Variants in PRICKLE3 observed in about 807,000 individuals in gnomAD.
PRICKLE3 encodes LIM domain only protein 6.
Under a neutral mutation model 33.8 loss-of-function variants are expected in PRICKLE3, and 17 were observed. The observed-to-expected ratio is 0.50, with a 90% CI of 0.34 to 0.75. The LOEUF is 0.75. PRICKLE3 is among the 30% of genes least tolerant of loss of function. The pLI is 0.01. For synonymous variants in PRICKLE3, 211 were observed against 219.6 expected, an observed-to-expected ratio of 0.96 and a Z score of 0.34; for missense variants, 573 against 576.7, an observed-to-expected ratio of 0.99 and a Z score of 0.07.
rs1557099823 is a variant in PRICKLE3, at chrX:49,175,787, C to A, written c.1734G>T (p.Met578Ile). Residue 578 changes from methionine to isoleucine, a missense_variant, in exon 9 of 9, where the codon ATG becomes ATT. By Grantham distance (10) the Met-to-Ile change is conservative. Transcript: ENST00000599218. ...IPLPPHLCRPMPAQDTAMETF... is the reference protein window; with the variant it reads ...IPLPPHLCRPIPAQDTAMETF... Reference sequence around the variant, plus strand: ...TCTCCATTGCAGTGTCCTGAGCAGGCATGGGCCTGCACAAATGCGGGGGCA... The same window carrying A: ...TCTCCATTGCAGTGTCCTGAGCAGGAATGGGCCTGCACAAATGCGGGGGCA... 9.1e-6 allele frequency: 11 copies of A among 1,211,873 alleles called. No individual in the cohort carries two copies. The highest frequency in any genetic ancestry group is 1.2e-5 in the Non-Finnish European group (11 of 895,323).
rs782244913 is a variant in PRICKLE3 at position 49,177,050 on chromosome X, A to C, written c.1108T>G (p.Ser370Ala). The change falls in exon 8 of 9, where the codon TCC (serine) becomes GCC (alanine). Residue 370 changes from serine to alanine, a missense_variant. Ser to Ala is a moderately conservative substitution (Grantham distance 99, BLOSUM62 1). Transcript: ENST00000599218. ...IFCSRACSLGSEPTAPGPSRR... is the reference protein window; with the variant it reads ...IFCSRACSLGAEPTAPGPSRR... ...CTCGGCCCTGGAGCTGTGGGCTCGG[A>C]CCCAAGGCTGCAGGCTCGAGAGCAG... 8.3e-7 allele frequency: 1 copy of C among 1,208,487 alleles called. No homozygotes were observed. Among genetic ancestry groups the C allele is most frequent in the Non-Finnish European group, 1.1e-6 (1 of 893,851 alleles).
Position 49,179,929 on chromosome X carries a change from A to C in PRICKLE3, c.313-123T>G, listed in dbSNP as rs782667268. 1.4e-5 allele frequency: 6 copies of C among 418,620 alleles called. No individual in the cohort carries two copies. In the African/African-American group the frequency reaches 1.6e-4, roughly 11 times the overall value. The allele number at this position is 418,620 out of a possible 1,213,427, so 34.5% of individuals were successfully genotyped here. The stretch of plus-strand genomic sequence containing the variant: ...TTAGGAGGGACCTTCTGACTCCCTC[A>C]TCTCTCCTTCCTAAAGGCGGATCAT... On this transcript the variant is annotated intron_variant, in intron 3 of 8. Coordinates refer to ENST00000599218, the MANE Select transcript of PRICKLE3 (RefSeq NM_006150.5).
intron 3 of PRICKLE3, among the ~76,000 whole-genome samples, chrX:49,181,593 AT>A (rs2065455328): frequency 3.1e-5 from 1 of 31,759 alleles, no homozygotes; most frequent in African/African-American, 8.2e-5. Flanking sequence ...ATACGCGTGT[AT>A]CTATATACGT....
intron 3 of PRICKLE3, among the ~76,000 whole-genome samples, chrX:49,180,810 C>G (rs2065445127): frequency 9.0e-6 from 1 of 111,465 alleles, no homozygotes; most frequent in South Asian, 3.8e-4. Flanking sequence ...ACTTGGCTGG[C>G]TAATGTGTCA....
chrX:49,186,299 G>A lies in PRICKLE3; in HGVS notation c.-2C>T, dbSNP rs2065483148. 3 of 1,144,048 alleles carry A rather than the reference G, an allele frequency of 2.6e-6. No homozygotes were observed. In the Admixed American group the frequency reaches 8.1e-5, roughly 31 times the overall value. The allele number at this position is 1,144,048 out of a possible 1,213,427, so 94.3% of individuals were successfully genotyped here. ...CCTCCGGGACCCACGCGCGAACATG[G>A]CGCGCCCGGGCAGGGTCAAGCCGGG... On this transcript the variant is annotated 5_prime_UTR_variant, in exon 1 of 9. Transcript: ENST00000599218.
chrX:49,183,816 TG>T lies in PRICKLE3; in HGVS notation c.229del (p.Gln77SerfsTer103). ...GTCGTCGTCGGAGATGGAGTGGCGC[TG>T]GAAGTCCGAGATTAGCCGACACATG... ...RIMCRLISDF[Q>X]RHSISDDDSG... On this transcript the variant is annotated frameshift_variant, in exon 3 of 9. Transcript: ENST00000599218. LOFTEE classifies it high-confidence loss of function. The T allele has an allele frequency of 1.7e-6, 2 of 1,211,074 alleles. No individual in the cohort carries two copies. Among genetic ancestry groups the T allele is most frequent in the Non-Finnish European group, 2.2e-6 (2 of 895,330 alleles).
intron 3 of PRICKLE3, 150 bp from the exon 4 acceptor site, chrX:49,179,956 T>C: frequency 2.6e-6 from 1 of 383,691 alleles, no homozygotes; most frequent in Non-Finnish European, 4.5e-6. Context: ...GCGGATCATT[T>C]CCCTCAGCTC....
In PRICKLE3 at chrX:49,175,870, T is replaced by C. The variant is rs1037859073; in HGVS notation, c.1651A>G (p.Ser551Gly). ...DSESCSSSPS[S>G]SSSESSEDDG... ...TCCTCTGATGATTCGGAACTGGAAC[T>C]GGAGGGCGAGCTGGAGCAAGATTCC... The change falls in exon 9 of 9, where the codon AGT (serine) becomes GGT (glycine). Residue 551 changes from serine (S) to glycine (G), a missense_variant. By Grantham distance (56) the Ser-to-Gly change is moderately conservative. Coordinates refer to ENST00000599218, the MANE Select transcript of PRICKLE3 (RefSeq NM_006150.5). 4 of 1,210,409 alleles carry C rather than the reference T, an allele frequency of 3.3e-6. No individual in the cohort carries two copies. The African/African-American group carries it at 5.2e-5, about 16-fold the overall frequency.
chrX:49,179,922 C>T (rs1407620789), intron 3 of PRICKLE3, 116 bp from the exon 4 acceptor site: 7 of 425,186 alleles, frequency 1.6e-5, no homozygotes, highest in Admixed American at 4.6e-5. Context: ...GACCTTCTGA[C>T]TCCCTCATCT....
rs782053613 is a variant in PRICKLE3 at position 49,175,895 on chromosome X, C to T, written c.1626G>A (p.Ser542=). ...TGGAGGGCGAGCTGGAGCAAGATTCCGAGTCTGACCCTGATCCCGCGTCAC... is the reference window on the plus strand; with the variant it reads ...TGGAGGGCGAGCTGGAGCAAGATTCTGAGTCTGACCCTGATCCCGCGTCAC... ...YQCDAGSGSD[S]ESCSSSPSSS... The change falls in exon 9 of 9, where the codon TCG becomes TCA. Residue 542 remains serine (S), a synonymous_variant. Coordinates refer to ENST00000599218, the MANE Select transcript of PRICKLE3 (RefSeq NM_006150.5). 1.7e-6 allele frequency: 2 copies of T among 1,211,556 alleles called. No individual in the cohort carries two copies. Among genetic ancestry groups the T allele is most frequent in the Admixed American group, 2.2e-5 (1 of 46,020 alleles).
Position 49,175,954 on chromosome X carries a change from T to TGTGATGGTGATGGTGATTATG in PRICKLE3, c.1546_1566dup (p.His516_His522dup). 1 of 1,210,419 alleles carries TGTGATGGTGATGGTGATTATG rather than the reference T, an allele frequency of 8.3e-7. No individual in the cohort carries two copies. Among genetic ancestry groups the TGTGATGGTGATGGTGATTATG allele is most frequent in the Non-Finnish European group, 1.1e-6 (1 of 895,178 alleles). ...TGGCGACGTCTGCTTGGGTGGCGGT[T>TGTGATGGTGATGGTGATTATG]GTGATGGTGATGGTGATTATGATGA... On this transcript the variant is annotated inframe_insertion, in exon 9 of 9. Coordinates refer to ENST00000599218, the MANE Select transcript of PRICKLE3 (RefSeq NM_006150.5).
At chrX:49,186,184 G>T in intron 1 of PRICKLE3, 72 bp downstream of exon 1, 1 of 1,069,373 alleles carries the variant, frequency 9.4e-7, no homozygotes, top group Non-Finnish European at 1.3e-6. Flanking sequence ...TATTCGCTAT[G>T]CCTATCCATT....
In PRICKLE3 at chrX:49,178,047, C is replaced by T. The variant is rs369934870; in HGVS notation, c.901G>A (p.Ala301Thr). ...VMRQSRPHCC[A>T]CYEARHAEYC... ...TCCGCGTGGCGGGCCTCGTAGCAGGCGCAGCAGTGGGGGCGGCTCTGACGC... is the reference window on the plus strand; with the variant it reads ...TCCGCGTGGCGGGCCTCGTAGCAGGTGCAGCAGTGGGGGCGGCTCTGACGC... Residue 301 changes from alanine (A) to threonine (T), a missense_variant, in exon 7 of 9, where the codon GCC becomes ACC. Ala to Thr is a moderately conservative substitution (Grantham distance 58). Coordinates refer to ENST00000599218, the MANE Select transcript of PRICKLE3 (RefSeq NM_006150.5). 18 of 1,156,514 alleles carry T rather than the reference C, an allele frequency of 1.6e-5. No individual in the cohort carries two copies. Among genetic ancestry groups the T allele is most frequent in the South Asian group, 1.2e-4 (6 of 48,902 alleles).
intron 8 of PRICKLE3, among the ~76,000 whole-genome samples, 161 bp downstream of exon 8, chrX:49,176,742 C>G (rs1055805540): frequency 2.7e-5 from 3 of 109,203 alleles, no homozygotes; most frequent in Non-Finnish European, 5.7e-5. Flanking sequence ...CAGGCCTGGA[C>G]TGGTGTGGGG....
rs144815821 is a variant in PRICKLE3 at position 49,183,834 on chromosome X, C to T, written c.212G>A (p.Arg71Gln). The change falls in exon 3 of 9, where the codon CGG becomes CAG. Residue 71 changes from arginine to glutamine, a missense_variant. Coordinates refer to ENST00000599218, the MANE Select transcript of PRICKLE3 (RefSeq NM_006150.5). Reference protein sequence around the residue: ...VPVDLERIMCRLISDFQRHSI... With the variant: ...VPVDLERIMCQLISDFQRHSI... ...GTGGCGCTGGAAGTCCGAGATTAGC[C>T]GACACATGATGCGTTCCAGGTCCAC... is the stretch of plus-strand genomic sequence containing the variant. The T allele has an allele frequency of 5.3e-5, 64 of 1,209,371 alleles. No individual in the cohort carries two copies. The South Asian group carries it at 5.6e-4, about 11-fold the overall frequency.
chrX:49,177,344 G>C, intron 7 of PRICKLE3, 142 bp from the exon 8 acceptor site: 1 of 609,970 alleles, frequency 1.6e-6, no homozygotes, highest in Non-Finnish European at 2.4e-6. Context: ...CTCCAGAATG[G>C]GGCCCTTTTG....
intron 1 of PRICKLE3, among the ~76,000 whole-genome samples, chrX:49,185,384 G>A (rs2053596275): frequency 2.7e-5 from 3 of 111,286 alleles, no homozygotes; most frequent in Admixed American, 9.6e-5. Flanking sequence ...TTCCTTCTCC[G>A]GACCATCAAA....
chrX:49,186,178 C>T, intron 1 of PRICKLE3, 78 bp downstream of exon 1: 5 of 1,061,123 alleles, frequency 4.7e-6, no homozygotes, highest in Non-Finnish European at 6.4e-6. Context: ...GGCACCTATT[C>T]GCTATGCCTA....
intron 3 of PRICKLE3, among the ~76,000 whole-genome samples, chrX:49,181,323 GAGCCAC>G (rs2065447681): frequency 9.8e-6 from 1 of 102,177 alleles, no homozygotes; most frequent in African/African-American, 3.6e-5. Context: ...AGCTGTGATT[GAGCCAC>G]TGCACTCAAA....
Sources: gnomAD v4.1 joint callset for allele counts (sites outside exome capture counted in the v4.1 genomes callset) on GRCh38, gnomAD v4.1.1 for gene constraint, MANE v1.5 for transcripts, NCBI Gene and HGNC (gene_info 2026-07-23, HGNC 2026-07-21) for gene names.